Variants in ATM observed in about 807,000 individuals in gnomAD.
ATM encodes the protein ATM serine/threonine kinase, also known as serine-protein kinase ATM.
A neutral mutation model predicts 387.0 loss-of-function variants in ATM; 308 were observed. That is an observed-to-expected ratio of 0.80 (90% CI 0.73 to 0.87). The LOEUF is 0.87. Ranked by LOEUF, ATM falls within the 40% of genes least tolerant of loss-of-function variation. The pLI, the probability that ATM is intolerant of heterozygous loss-of-function variation, is 0.00. For synonymous variants in ATM, 1,156 were observed against 1,187.3 expected (o/e 0.97, Z 0.54); for missense variants, 3,312 against 3,560.9 (o/e 0.93, Z 1.78).
At chr11:108,292,915 ATGAT>A in intron 30 of ATM, 122 bp downstream of exon 30, 1 of 1,217,146 alleles carries the variant, frequency 8.2e-7, no homozygotes, top group Admixed American at 2.1e-5. Flanking sequence ...TTTTTGTAAA[ATGAT>A]TGGAAAAATA....
intron 22 of ATM, among the ~76,000 whole-genome samples, chr11:108,273,730 C>T (rs1308746306): frequency 6.6e-6 from 1 of 152,244 alleles, no homozygotes; most frequent in South Asian, 2.1e-4. Flanking sequence ...ATGAAGCTGA[C>T]TTGATAGTGG....
rs1565441410 is a variant in ATM, at chr11:108,281,006, T to C, written c.3414T>C (p.Ala1138=). The change falls in exon 24 of 63, where the codon GCT becomes GCC. Residue 1138 remains alanine, a synonymous_variant. Coordinates refer to ENST00000675843, the MANE Select transcript of ATM (RefSeq NM_000051.4). ...QEGMREMSHS[A]ENPETLDEIY... ...AATTTCTTTTTAAGTCCCATAGTGC[T>C]GAGAACCCTGAAACTTTGGATGAAA... The C allele has an allele frequency of 1.2e-6, 2 of 1,611,472 alleles. No homozygotes were observed. The highest frequency in any genetic ancestry group is 1.1e-5 in the South Asian group (1 of 90,842).
chr11:108,276,734 G>A (rs1374271028), intron 22 of ATM, among the ~76,000 whole-genome samples: 1 of 152,138 alleles, frequency 6.6e-6, no homozygotes, highest in Non-Finnish European at 1.5e-5. Context: ...CTTCCTCTGG[G>A]AAGGTTCGTC....
At position 108,368,682 on chromosome 11, in the gene ATM, A is replaced by G. The variant is rs1015132568; in HGVS notation, c.*3174A>G. The G allele has an allele frequency of 4.6e-6, 1 of 217,586 alleles. No individual in the cohort carries two copies. 13.5% of individuals were successfully genotyped at this position (217,586 alleles called of 1,614,324 possible). ...AGTGAAGCTATCAGAGAAGCTAATA[A>G]ATTATAGACTGCTTGAACAGTTGTG... On this transcript the variant is annotated 3_prime_UTR_variant, in exon 63 of 63. Coordinates refer to ENST00000675843, the MANE Select transcript of ATM (RefSeq NM_000051.4).
chr11:108,352,669 A>G (rs1185267167), intron 59 of ATM, among the ~76,000 whole-genome samples: 1 of 152,260 alleles, frequency 6.6e-6, no homozygotes, highest in Non-Finnish European at 1.5e-5. Context: ...GATGTTCTAC[A>G]GTGGGCAAAT....
At chr11:108,315,970 T>C (rs2084603639) in intron 41 of ATM, 41 bp from the exon 42 acceptor site, 1 of 1,609,446 alleles carries the variant, frequency 6.2e-7, no homozygotes, top group South Asian at 1.1e-5. Context: ...GAGTTATGTG[T>C]GTGTAAAACC....
chr11:108,275,846 G>T (rs966047114), intron 22 of ATM, among the ~76,000 whole-genome samples: 7 of 152,072 alleles, frequency 4.6e-5, no homozygotes, highest in Non-Finnish European at 8.8e-5. Context: ...GTGTCTTGGG[G>T]TTGCTCTTCT....
intron 5 of ATM, 25 bp from the exon 6 acceptor site, chr11:108,243,928 C>G (rs2135220731): frequency 3.5e-6 from 5 of 1,439,340 alleles, no homozygotes; most frequent in Non-Finnish European, 4.7e-6. Context: ...AAAATCATGA[C>G]TAATAATTTT....
In ATM at chr11:108,334,999, G is replaced by C. The variant is rs1064795034; in HGVS notation, c.8041G>C (p.Val2681Leu). 4 of 1,613,362 alleles carry C rather than the reference G, an allele frequency of 2.5e-6. No homozygotes were observed. The highest frequency in any genetic ancestry group is 1.7e-5 in the Admixed American group (1 of 60,016). The change falls in exon 55 of 63, where the codon GTG (valine) becomes CTG (leucine). Residue 2681 changes from valine (V) to leucine (L), a missense_variant. By Grantham distance (32) the Val-to-Leu change is conservative. Coordinates refer to ENST00000675843, the MANE Select transcript of ATM (RefSeq NM_000051.4). Reference sequence around the variant, plus strand: ...CCACACAGGAGAATATGGAAATCTGGTGACTATACAGTCATTTAAAGCAGA... The same window carrying C: ...CCACACAGGAGAATATGGAAATCTGCTGACTATACAGTCATTTAAAGCAGA... ...VDHTGEYGNL[V>L]TIQSFKAEFR... is the part of the protein sequence containing the mutation.
chr11:108,317,615 T>C (rs563193193), intron 43 of ATM, 94 bp downstream of exon 43: 5 of 212,358 alleles, frequency 2.4e-5, no homozygotes, highest in Non-Finnish European at 4.2e-5. Context: ...AGGAGTTGTT[T>C]TATATATATA....
chr11:108,247,417 A>G (rs1484402661), intron 8 of ATM, among the ~76,000 whole-genome samples: 1 of 152,150 alleles, frequency 6.6e-6, no homozygotes, highest in Non-Finnish European at 1.5e-5. Flanking sequence ...ACTCGACTGT[A>G]TTCTACAAAG....
intron 1 of ATM, chr11:108,224,525 C>T (rs2078645666): frequency 6.6e-6 from 1 of 152,216 alleles, no homozygotes; most frequent in Non-Finnish European, 1.5e-5. Flanking sequence ...GACACTCATA[C>T]TCTAGTTGAC....
At chr11:108,327,831 A>G (rs914974397) in intron 48 of ATM, 73 bp downstream of exon 48, 5 of 1,141,100 alleles carry the variant, frequency 4.4e-6, no homozygotes, top group African/African-American at 3.1e-5. Context: ...CAAGATCAAT[A>G]TATTTCCAAA....
Position 108,368,467 on chromosome 11 carries a change from A to C in ATM, c.*2959A>C, listed in dbSNP as rs1461412152. On this transcript the variant is annotated 3_prime_UTR_variant, in exon 63 of 63. Transcript: ENST00000675843. ...ACAGCATTTCTGATCTTTACTTTGC[A>C]AGATTAGTGATACTATCCCAATACA... 1 of 212,868 alleles carries C rather than the reference A, an allele frequency of 4.7e-6. No individual in the cohort carries two copies. The highest frequency in any genetic ancestry group is 2.3e-5 in the African/African-American group (1 of 44,168). 13.2% of individuals were successfully genotyped at this position (212,868 alleles called of 1,614,324 possible). A position where few individuals can be genotyped will look rare whatever the true frequency, so the allele number is the denominator to read the frequency against.
intron 59 of ATM, among the ~76,000 whole-genome samples, chr11:108,348,211 A>G (rs681514): frequency 1.3e-5 from 2 of 151,214 alleles, no homozygotes; most frequent in Non-Finnish European, 1.5e-5. Flanking sequence ...GAAAGAATAT[A>G]TAGCTTCTAT....
At position 108,235,704 on chromosome 11, in the gene ATM, T is replaced by C. The variant is rs1178025248; in HGVS notation, c.366T>C (p.Asn122=). 1 of 1,611,988 alleles carries C rather than the reference T, an allele frequency of 6.2e-7. No individual in the cohort carries two copies. The highest frequency in any genetic ancestry group is 1.3e-5 in the African/African-American group (1 of 74,854). ...GGCTAAAATGTCAAGAACTCTTAAA[T>C]TATATCATGGATACAGTGAAAGATT... ...APRLKCQELL[N]YIMDTVKDSS... Residue 122 remains asparagine, a synonymous_variant, in exon 5 of 63, where the codon AAT becomes AAC. Transcript: ENST00000675843.
At position 108,284,218 on chromosome 11, in the gene ATM, T is replaced by C. The variant is rs760676626; in HGVS notation, c.3747-9T>C. The C allele has an allele frequency of 8.2e-6, 13 of 1,591,458 alleles. No homozygotes were observed. On this transcript the variant is annotated splice_polypyrimidine_tract_variant and intron_variant, in intron 25 of 62. Transcript: ENST00000675843. Reference sequence around the variant, plus strand: ...ATATAACCTGTATTTTAAATTTTTCTATTTTTAGATCTTGTTATAAGGTTT... The same window carrying C: ...ATATAACCTGTATTTTAAATTTTTCCATTTTTAGATCTTGTTATAAGGTTT...
At chr11:108,276,387 C>T (rs977234327) in intron 22 of ATM, among the ~76,000 whole-genome samples, 1 of 152,160 alleles carries the variant, frequency 6.6e-6, no homozygotes, top group African/African-American at 2.4e-5. Flanking sequence ...ATTCTCCGTC[C>T]AGTTTTGTTC....
intron 22 of ATM, among the ~76,000 whole-genome samples, chr11:108,277,930 T>C (rs2082033932): frequency 6.6e-6 from 1 of 152,230 alleles, no homozygotes; most frequent in African/African-American, 2.4e-5. Flanking sequence ...TATATGTTCC[T>C]AAAGGCACTG....
Sources: allele counts gnomAD v4.1 joint callset (sites outside exome capture counted in the v4.1 genomes callset), GRCh38; gene constraint gnomAD v4.1.1; transcripts MANE v1.5; gene names NCBI Gene and HGNC (gene_info 2026-07-23, HGNC 2026-07-21).